RXFP2: variants seen among roughly 807,000 people sequenced by gnomAD.
RXFP2 encodes relaxin family peptide receptor 2, also known as relaxin receptor 2.
RXFP2 carries 68 observed loss-of-function variants against 88.6 expected under a neutral mutation model. That is an observed-to-expected ratio of 0.77 (90% CI 0.63 to 0.94). The LOEUF (loss-of-function observed/expected upper bound fraction) is 0.94, where lower values mean the gene tolerates loss of function less well. Ranked by LOEUF, RXFP2 falls within the 40% of genes least tolerant of loss-of-function variation. The probability of loss-of-function intolerance (pLI) is 0.00; values close to 1 mark genes in which losing one functional copy is unlikely to be tolerated. For synonymous variants in RXFP2, 329 were observed against 306.8 expected, an observed-to-expected ratio of 1.07 and a Z score of -0.76; for missense variants, 791 against 893.9, an observed-to-expected ratio of 0.88 and a Z score of 1.47.
chr13:31,760,484 T>C (rs768604131), intron 2 of RXFP2, among the ~76,000 whole-genome samples: 22 of 152,206 alleles, frequency 1.4e-4, no homozygotes, highest in Non-Finnish European at 2.8e-4. Context: ...ACACAGCAGG[T>C]ACTCAGTCAG....
rs1872901249 is a variant in RXFP2, at chr13:31,775,409, T to C, written c.641+20T>C. On this transcript the variant is annotated intron_variant, in intron 7 of 17. Transcript: ENST00000298386. ...TTGGCTGTAAGTACTCTAATTCTTC[T>C]TTCTCCCATAGAGGATCATAGTCTT... The C allele has an allele frequency of 5.9e-6, 9 of 1,537,806 alleles. No individual in the cohort carries two copies. The highest frequency in any genetic ancestry group is 6.3e-6 in the Non-Finnish European group (7 of 1,110,574).
chr13:31,751,268 G>A (rs755889887), intron 1 of RXFP2, among the ~76,000 whole-genome samples: 6 of 151,896 alleles, frequency 4.0e-5, no homozygotes, highest in East Asian at 1.9e-4. Context: ...CTCCAGCCTC[G>A]GCAACAAGAG....
chr13:31,777,587 A>T (rs946170654), intron 8 of RXFP2, 140 bp downstream of exon 8: 3 of 663,396 alleles, frequency 4.5e-6, no homozygotes, highest in Admixed American at 2.3e-5. Context: ...TTCCAGCCAC[A>T]GTTACTGTTA....
intron 9 of RXFP2, among the ~76,000 whole-genome samples, 180 bp from the exon 10 acceptor site, chr13:31,781,491 A>T (rs572016806): frequency 1.3e-5 from 2 of 152,220 alleles, no homozygotes; most frequent in Admixed American, 1.3e-4. Flanking sequence ...TTTTATTAAC[A>T]TTAGTTGGAA....
chr13:31,801,712 T>G (rs1165459793), intron 17 of RXFP2, among the ~76,000 whole-genome samples: 3 of 152,174 alleles, frequency 2.0e-5, no homozygotes, highest in Non-Finnish European at 2.9e-5. Flanking sequence ...GGCAGGGCAA[T>G]AAGCTTTGAG....
In RXFP2 at chr13:31,778,538, C is replaced by G; in HGVS notation, c.740C>G (p.Ala247Gly). ...TCTATGGTTAATAACTACTTAGAAG[C>G]TCTTCCCAAGCAGATGTGTGCCCAA... is the stretch of plus-strand genomic sequence containing the variant. Reference protein sequence around the residue: ...FLSMVNNYLEALPKQMCAQMP... With the variant: ...FLSMVNNYLEGLPKQMCAQMP... The change falls in exon 9 of 18, where the codon GCT (alanine) becomes GGT (glycine). Residue 247 changes from alanine (A) to glycine (G), a missense_variant. Ala to Gly is a moderately conservative substitution (Grantham distance 60). Coordinates refer to ENST00000298386, the MANE Select transcript of RXFP2 (RefSeq NM_130806.5). 6.2e-7 allele frequency: 1 copy of G among 1,611,084 alleles called. No individual in the cohort carries two copies. The highest frequency in any genetic ancestry group is 8.5e-7 in the Non-Finnish European group (1 of 1,177,394).
At chr13:31,770,103 T>C (rs1011067433) in intron 5 of RXFP2, among the ~76,000 whole-genome samples, 24 of 152,222 alleles carry the variant, frequency 1.6e-4, no homozygotes, top group African/African-American at 5.5e-4. Context: ...GTTTATCACA[T>C]AGTTTTGCAC....
intron 2 of RXFP2, among the ~76,000 whole-genome samples, chr13:31,761,186 G>T (rs1872284665): frequency 1.3e-5 from 2 of 151,810 alleles, no homozygotes; most frequent in Non-Finnish European, 2.9e-5. Flanking sequence ...ACTCCTACAT[G>T]CAAGTGATCC....
chr13:31,776,061 C>CTTCTTTCT (rs10648579), intron 7 of RXFP2, among the ~76,000 whole-genome samples: 41,372 of 103,922 alleles, frequency 0.4, 8,660 homozygotes, highest in Admixed American at 0.5. Flanking sequence ...TTTCTTTCTT[C>CTTCTTTCT]TTCTTTCTTT....
intron 1 of RXFP2, among the ~76,000 whole-genome samples, chr13:31,754,125 A>G (rs1344071061): frequency 2.0e-5 from 3 of 152,184 alleles, no homozygotes; most frequent in Admixed American, 2.0e-4. Flanking sequence ...TTCTAGGGAA[A>G]AGGAAACCAT....
Position 31,758,494 on chromosome 13 carries a change from G to A in RXFP2, c.241+90G>A, listed in dbSNP as rs534204505. ...GTTGGATAATGATTGTGATAAACTA[G>A]GAAAGCTGATTTGGTGTTCTGTAGG... On this transcript the variant is annotated intron_variant, in intron 2 of 17. Coordinates refer to ENST00000298386, the MANE Select transcript of RXFP2 (RefSeq NM_130806.5). 3.0e-5 allele frequency: 44 copies of A among 1,460,686 alleles called. No individual in the cohort carries two copies. The African/African-American group carries it at 4.9e-4, about 16-fold the overall frequency. The allele number at this position is 1,460,686 out of a possible 1,614,324, so 90.5% of individuals were successfully genotyped here.
intron 8 of RXFP2, among the ~76,000 whole-genome samples, chr13:31,778,243 T>G (rs1873087906): frequency 6.6e-6 from 1 of 152,200 alleles, no homozygotes; most frequent in Admixed American, 6.5e-5. Context: ...ACCCAATATA[T>G]ACTTTTGTTT....
intron 10 of RXFP2, 111 bp downstream of exon 10, chr13:31,781,853 C>A: frequency 1.2e-6 from 1 of 800,176 alleles, no homozygotes; most frequent in South Asian, 1.5e-5. Flanking sequence ...CAGCCTTGGT[C>A]TGACACTGCA....
At chr13:31,778,390 A>G (rs1873094499) in intron 8 of RXFP2, 122 bp from the exon 9 acceptor site, 1 of 701,916 alleles carries the variant, frequency 1.4e-6, no homozygotes, top group Admixed American at 2.3e-5. Context: ...AAATAGCTAT[A>G]TATGTTATCA....
At chr13:31,779,020 C>T (rs1381297893) in intron 9 of RXFP2, among the ~76,000 whole-genome samples, 2 of 152,144 alleles carry the variant, frequency 1.3e-5, no homozygotes, top group African/African-American at 4.8e-5. Flanking sequence ...CACCTATGTA[C>T]TCCCACACAT....
chr13:31,797,900 C>T (rs1022633869), intron 17 of RXFP2, among the ~76,000 whole-genome samples: 3 of 152,168 alleles, frequency 2.0e-5, no homozygotes, highest in Admixed American at 1.3e-4. Flanking sequence ...GAAAGAGTCT[C>T]CTCCAAAAGG....
At position 31,780,898 on chromosome 13, in the gene RXFP2, G is replaced by A. The variant is rs116314585; in HGVS notation, c.786-773G>A. Reference sequence around the variant, plus strand: ...CAGTACTAGAGTTTCTGATTCAGTCGGTCTTGGGCAAGAATCTGCATTTCT... The same window carrying A: ...CAGTACTAGAGTTTCTGATTCAGTCAGTCTTGGGCAAGAATCTGCATTTCT... On this transcript the variant is annotated intron_variant, in intron 9 of 17. Coordinates refer to ENST00000298386, the MANE Select transcript of RXFP2 (RefSeq NM_130806.5). Among the ~76,000 whole-genome samples, 403 of 152,286 alleles carry A rather than the reference G, an allele frequency of 2.6e-3. 2 individuals are homozygous for A. The highest frequency in any genetic ancestry group is 8.1e-3 in the African/African-American group (338 of 41,570).
At chr13:31,798,287 A>G (rs1261250994) in intron 17 of RXFP2, among the ~76,000 whole-genome samples, 1 of 152,220 alleles carries the variant, frequency 6.6e-6, no homozygotes, top group African/African-American at 2.4e-5. Flanking sequence ...ATCTTGCTGC[A>G]AAATACCACA....
intron 5 of RXFP2, among the ~76,000 whole-genome samples, chr13:31,769,431 A>G (rs192882854): frequency 1.6e-3 from 244 of 152,240 alleles, no homozygotes; most frequent in Non-Finnish European, 2.9e-3. Flanking sequence ...CCACACCACT[A>G]ATCTCTTCCC....
Sources: allele counts gnomAD v4.1 joint callset (sites outside exome capture counted in the v4.1 genomes callset), GRCh38; gene constraint gnomAD v4.1.1; transcripts MANE v1.5; gene names NCBI Gene and HGNC (gene_info 2026-07-23, HGNC 2026-07-21).